Variants in PDE7B observed in about 807,000 individuals in gnomAD.
The protein encoded by PDE7B is 3',5'-cyclic-AMP phosphodiesterase 7B.
In PDE7B, 29 loss-of-function variants were observed where a neutral mutation model predicts 56.2. The observed-to-expected ratio is 0.52, with a 90% CI of 0.38 to 0.70. The LOEUF (loss-of-function observed/expected upper bound fraction) is 0.70. Ranked by LOEUF, PDE7B falls within the 30% of genes least tolerant of loss-of-function variation. PDE7B has a pLI of 0.00. For missense variants in PDE7B, 490 were observed against 565.0 expected (o/e 0.87, Z 1.35); for synonymous variants, 197 against 196.9 (o/e 1.00, Z 0.00).
At chr6:136,025,171 A>G (rs1212545686) in intron 2 of PDE7B, among the ~76,000 whole-genome samples, 1 of 152,218 alleles carries the variant, frequency 6.6e-6, no homozygotes, top group Non-Finnish European at 1.5e-5. Context: ...TATTTTTACC[A>G]TAGAAACAAT....
At chr6:135,877,830 G>T (rs141797533) in intron 1 of PDE7B, among the ~76,000 whole-genome samples, 9 of 152,170 alleles carry the variant, frequency 5.9e-5, no homozygotes, top group African/African-American at 2.2e-4. Context: ...GTCAGTGGAT[G>T]ATTAAAGTGG....
rs1262477574 is a variant in PDE7B, at chr6:136,173,494, G to A, written c.712-303G>A. Reference sequence around the variant, plus strand: ...CTTCACTTTCTTTCTTACATTTAGCGTGGCCTGACTGAGCTATTGGAAGAG... The same window carrying A: ...CTTCACTTTCTTTCTTACATTTAGCATGGCCTGACTGAGCTATTGGAAGAG... On this transcript the variant is annotated intron_variant, in intron 8 of 12. Coordinates refer to ENST00000308191, the MANE Select transcript of PDE7B (RefSeq NM_018945.4). 5.9e-5 allele frequency among the ~76,000 whole-genome samples: 9 copies of A among 152,236 alleles called. No homozygotes were observed. In the South Asian group the frequency reaches 8.3e-4, roughly 14 times the overall value.
chr6:135,951,051 C>CT (rs1386755055), intron 2 of PDE7B, among the ~76,000 whole-genome samples: 1 of 152,148 alleles, frequency 6.6e-6, no homozygotes, highest in African/African-American at 2.4e-5. Flanking sequence ...TACTGCAGAG[C>CT]TGACTACACG....
intron 2 of PDE7B, among the ~76,000 whole-genome samples, chr6:136,005,751 T>G (rs1775770397): frequency 6.6e-6 from 1 of 152,168 alleles, no homozygotes; most frequent in Non-Finnish European, 1.5e-5. Flanking sequence ...TTTTACACTG[T>G]TGGTGGGACT....
chr6:136,053,887 C>A lies in PDE7B; in HGVS notation c.83-54844C>A, dbSNP rs1776680308. ...GAGAAGTGTCTGTTCATATCCTTTGCCCACTTTTTGATGGCGTTGTTTTTT... is the reference window on the plus strand; with the variant it reads ...GAGAAGTGTCTGTTCATATCCTTTGACCACTTTTTGATGGCGTTGTTTTTT... On this transcript the variant is annotated intron_variant, in intron 2 of 12. Coordinates refer to ENST00000308191, the MANE Select transcript of PDE7B (RefSeq NM_018945.4). Among the ~76,000 whole-genome samples, 4 of 152,266 alleles carry A rather than the reference C, an allele frequency of 2.6e-5. No homozygotes were observed. In the South Asian group the frequency reaches 8.3e-4, roughly 32 times the overall value.
At chr6:135,993,593 C>T (rs748161159) in intron 2 of PDE7B, among the ~76,000 whole-genome samples, 1 of 152,148 alleles carries the variant, frequency 6.6e-6, no homozygotes, top group African/African-American at 2.4e-5. Flanking sequence ...TGTTGACAGT[C>T]CTAACCATTT....
chr6:136,175,662 A>C (rs1778965338), intron 9 of PDE7B, among the ~76,000 whole-genome samples: 1 of 152,094 alleles, frequency 6.6e-6, no homozygotes, highest in Non-Finnish European at 1.5e-5. Flanking sequence ...CAAATCATTA[A>C]ACCTGTTAAA....
intron 1 of PDE7B, among the ~76,000 whole-genome samples, chr6:135,931,953 G>GCACACA (rs35849934): frequency 1.6e-5 from 1 of 64,312 alleles, no homozygotes; most frequent in Non-Finnish European, 4.4e-5. Context: ...ACACGCGCGC[G>GCACACA]CACACACACA....
At chr6:135,894,233 C>G (rs181393554) in intron 1 of PDE7B, among the ~76,000 whole-genome samples, 2 of 152,222 alleles carry the variant, frequency 1.3e-5, no homozygotes, top group Admixed American at 6.5e-5. Flanking sequence ...AAACTAGTTC[C>G]TAGTTTATTA....
intron 1 of PDE7B, among the ~76,000 whole-genome samples, chr6:135,908,969 A>T (rs1184636455): frequency 6.6e-6 from 1 of 152,226 alleles, no homozygotes; most frequent in African/African-American, 2.4e-5. Flanking sequence ...TTCAATTATT[A>T]TAAACTAATC....
chr6:135,964,871 G>T (rs942273341), intron 2 of PDE7B, among the ~76,000 whole-genome samples: 1 of 152,252 alleles, frequency 6.6e-6, no homozygotes. Context: ...CAGTGGCACA[G>T]TGGCTCATGC....
At chr6:136,041,830 A>T (rs2128210013) in intron 2 of PDE7B, among the ~76,000 whole-genome samples, 1 of 152,354 alleles carries the variant, frequency 6.6e-6, no homozygotes, top group East Asian at 1.9e-4. Flanking sequence ...TGAGGTAAAT[A>T]GTTCAGAGAG....
intron 8 of PDE7B, among the ~76,000 whole-genome samples, chr6:136,167,023 T>G (rs990392785): frequency 2.6e-5 from 4 of 152,034 alleles, no homozygotes; most frequent in Non-Finnish European, 5.9e-5. Context: ...AGCTGTTAGC[T>G]CCTCCCTTGA....
intron 2 of PDE7B, chr6:136,038,007 TAA>T (rs1776353086): frequency 7.7e-7 from 1 of 1,291,604 alleles, no homozygotes; most frequent in African/African-American, 1.5e-5. Flanking sequence ...AGGAGTACAG[TAA>T]CAGTTTCTCA....
chr6:135,962,186 T>C (rs1774914108), intron 2 of PDE7B, among the ~76,000 whole-genome samples: 1 of 152,228 alleles, frequency 6.6e-6, no homozygotes, highest in Non-Finnish European at 1.5e-5. Flanking sequence ...TAAGGCATCA[T>C]ATTTGGAAAA....
chr6:135,979,805 G>A (rs1401009274), intron 2 of PDE7B, among the ~76,000 whole-genome samples: 3 of 152,092 alleles, frequency 2.0e-5, no homozygotes, highest in Non-Finnish European at 4.4e-5. Flanking sequence ...GGATACAAAT[G>A]GAAGAACATT....
intron 2 of PDE7B, among the ~76,000 whole-genome samples, chr6:135,996,280 C>T (rs2128205669): frequency 6.6e-6 from 1 of 152,218 alleles, no homozygotes. Flanking sequence ...TTCTAGATTT[C>T]TAGATTTGTT....
chr6:135,854,059 A>G (rs571262614), intron 1 of PDE7B, among the ~76,000 whole-genome samples: 4 of 152,292 alleles, frequency 2.6e-5, no homozygotes, highest in African/African-American at 9.6e-5. Context: ...CTGACACTTT[A>G]TTTTCAGCCT....
chr6:136,100,515 A>G (rs1037972641), intron 2 of PDE7B, among the ~76,000 whole-genome samples: 1 of 151,992 alleles, frequency 6.6e-6, no homozygotes, highest in Non-Finnish European at 1.5e-5. Flanking sequence ...ATTCCTGGGT[A>G]TTTTATTCTC....
Sources: allele counts gnomAD v4.1 joint callset (sites outside exome capture counted in the v4.1 genomes callset), GRCh38; gene constraint gnomAD v4.1.1; transcripts MANE v1.5; gene names NCBI Gene and HGNC (gene_info 2026-07-23, HGNC 2026-07-21).